Variants in XRCC4 observed in about 807,000 individuals in gnomAD.
The protein encoded by XRCC4 is X-ray repair cross complementing 4.
Under a neutral mutation model 39.1 loss-of-function variants are expected in XRCC4, and 28 were observed. The ratio of observed to expected loss-of-function variants is 0.72; its 90% CI spans 0.53 to 0.98. XRCC4 has a LOEUF of 0.98. XRCC4 is among the 50% of genes least tolerant of loss of function. The probability of loss-of-function intolerance (pLI) is 0.00; values close to 1 mark genes in which losing one functional copy is unlikely to be tolerated. For missense variants in XRCC4, 350 were observed against 376.4 expected (o/e 0.93, Z 0.58); for synonymous variants, 123 against 126.4 (o/e 0.97, Z 0.18).
intron 6 of XRCC4, among the ~76,000 whole-genome samples, chr5:83,235,971 A>G (rs574092841): frequency 1.3e-5 from 2 of 152,118 alleles, no homozygotes; most frequent in Non-Finnish European, 1.5e-5. Context: ...CATTTAAGGT[A>G]GCTACAAATG....
chr5:83,235,727 A>C (rs1752665012), intron 6 of XRCC4, among the ~76,000 whole-genome samples: 3 of 152,200 alleles, frequency 2.0e-5, no homozygotes, highest in South Asian at 2.1e-4. Context: ...AGGCAGAGCA[A>C]TTAGGCAAGG....
chr5:83,345,751 T>C (rs1756900540), intron 7 of XRCC4, among the ~76,000 whole-genome samples: 2 of 152,190 alleles, frequency 1.3e-5, no homozygotes, highest in South Asian at 4.1e-4. Context: ...AAAATGTCTT[T>C]ACAAAATGAG....
chr5:83,102,643 A>C (rs1300172439), intron 1 of XRCC4, among the ~76,000 whole-genome samples: 1 of 152,100 alleles, frequency 6.6e-6, no homozygotes, highest in Admixed American at 6.6e-5. Context: ...GTTAACTACC[A>C]TTTGATGGGA....
At chr5:83,302,061 A>G (rs1367529314) in intron 7 of XRCC4, among the ~76,000 whole-genome samples, 1 of 152,066 alleles carries the variant, frequency 6.6e-6, no homozygotes, top group African/African-American at 2.4e-5. Context: ...CCCTCCCCCT[A>G]CTAAGCTCGA....
At chr5:83,098,450 G>A (rs982999484) in intron 1 of XRCC4, among the ~76,000 whole-genome samples, 5 of 152,060 alleles carry the variant, frequency 3.3e-5, no homozygotes. Context: ...ACCTGGACAG[G>A]TGGTTACCTT....
intron 3 of XRCC4, among the ~76,000 whole-genome samples, chr5:83,157,383 A>G (rs1179001938): frequency 6.6e-6 from 1 of 152,086 alleles, no homozygotes; most frequent in Non-Finnish European, 1.5e-5. Context: ...GTTACTCTGT[A>G]AATAGAGTTT....
intron 7 of XRCC4, chr5:83,311,219 C>T (rs115561306): frequency 0.02 from 3,199 of 163,742 alleles, 22 homozygotes; most frequent in Middle Eastern, 0.028. Flanking sequence ...CACAAGAAGC[C>T]GGAGGATGAA....
chr5:83,272,548 A>G (rs1252345945), intron 7 of XRCC4, among the ~76,000 whole-genome samples: 1 of 152,042 alleles, frequency 6.6e-6, no homozygotes, highest in Non-Finnish European at 1.5e-5. Context: ...CGTATGCATT[A>G]GGTATTTGTC....
intron 6 of XRCC4, among the ~76,000 whole-genome samples, chr5:83,212,198 C>T (rs536705137): frequency 3.4e-4 from 51 of 151,712 alleles, no homozygotes; most frequent in African/African-American, 1.0e-3. Context: ...GTTTAAAGCC[C>T]TAAAGGAGAG....
chr5:83,350,528 A>AT (rs199982608), intron 7 of XRCC4, among the ~76,000 whole-genome samples: 5,279 of 148,900 alleles, frequency 0.035, 293 homozygotes, highest in African/African-American at 0.12. Flanking sequence ...GATGTGTAGC[A>AT]TTTTTTTTTC....
At chr5:83,164,683 C>A (rs728428) in intron 3 of XRCC4, among the ~76,000 whole-genome samples, 1 of 151,854 alleles carries the variant, frequency 6.6e-6, no homozygotes, top group African/African-American at 2.4e-5. Context: ...TGTTGTACAA[C>A]TTAAATGTAT....
chr5:83,314,943 C>T (rs758270731), intron 7 of XRCC4, among the ~76,000 whole-genome samples: 1 of 151,996 alleles, frequency 6.6e-6, no homozygotes. Context: ...AAGAGTTGCA[C>T]GTCTTTCATT....
At chr5:83,367,141 A>G in the XRCC4 span, among the ~76,000 whole-genome samples, 1 of 152,142 alleles carries the variant, frequency 6.6e-6, no homozygotes, top group Non-Finnish European at 1.5e-5. Flanking sequence ...TACTGATTAA[A>G]TCAGTATCAT....
intron 3 of XRCC4, among the ~76,000 whole-genome samples, chr5:83,164,137 C>G (rs1198293399): frequency 6.6e-6 from 1 of 152,156 alleles, no homozygotes; most frequent in Non-Finnish European, 1.5e-5. Flanking sequence ...AAAGTCTTCT[C>G]TACCCTCATG....
intron 7 of XRCC4, among the ~76,000 whole-genome samples, chr5:83,337,455 A>G (rs1057352676): frequency 4.6e-5 from 7 of 152,102 alleles, no homozygotes; most frequent in African/African-American, 1.7e-4. Flanking sequence ...TAGAGCCCCA[A>G]GTTGTTATAT....
intron 1 of XRCC4, among the ~76,000 whole-genome samples, chr5:83,091,460 G>A (rs182306887): frequency 2.2e-3 from 331 of 152,244 alleles, no homozygotes; most frequent in Admixed American, 4.8e-3. Flanking sequence ...AACATCTGGG[G>A]ATTACAATTC....
chr5:83,129,683 T>G (rs112312280), intron 3 of XRCC4, among the ~76,000 whole-genome samples: 2,685 of 152,154 alleles, frequency 0.018, 71 homozygotes, highest in African/African-American at 0.062. Flanking sequence ...CTTGAAGAGG[T>G]CCTTCGCATC....
At chr5:83,182,131 C>G (rs1750234398) in intron 3 of XRCC4, among the ~76,000 whole-genome samples, 1 of 152,018 alleles carries the variant, frequency 6.6e-6, no homozygotes, top group Admixed American at 6.6e-5. Flanking sequence ...AAGGGAAAAC[C>G]AGGTGATATT....
At chr5:83,109,315 A>G (rs2112392584) in intron 2 of XRCC4, among the ~76,000 whole-genome samples, 1 of 151,946 alleles carries the variant, frequency 6.6e-6, no homozygotes, top group East Asian at 1.9e-4. Context: ...TAAAACATGC[A>G]GAGAGATATG....
Sources: gnomAD v4.1 joint callset for allele counts (sites outside exome capture counted in the v4.1 genomes callset) on GRCh38, gnomAD v4.1.1 for gene constraint, MANE v1.5 for transcripts, NCBI Gene and HGNC (gene_info 2026-07-23, HGNC 2026-07-21) for gene names.